Variants in PIP5K1B observed in about 807,000 individuals in gnomAD.
The protein encoded by PIP5K1B is phosphatidylinositol 4-phosphate 5-kinase type-1 beta.
In PIP5K1B, 42 loss-of-function variants were observed where a neutral mutation model predicts 67.0. The observed-to-expected ratio is 0.63, with a 90% CI of 0.49 to 0.81. The LOEUF is 0.81. PIP5K1B is among the 30% of genes least tolerant of loss of function. The pLI is 0.00. For missense variants in PIP5K1B, 459 were observed against 646.3 expected (o/e 0.71, Z 3.14); for synonymous variants, 214 against 231.4 (o/e 0.92, Z 0.68).
chr9:68,956,532 G>A (rs1828402716), intron 14 of PIP5K1B, among the ~76,000 whole-genome samples: 1 of 152,182 alleles, frequency 6.6e-6, no homozygotes, highest in South Asian at 2.1e-4. Context: ...AGTTAATCAG[G>A]AAGTGGCCCC....
chr9:68,774,947 C>A (rs1459251670), intron 2 of PIP5K1B, among the ~76,000 whole-genome samples: 1 of 152,178 alleles, frequency 6.6e-6, no homozygotes, highest in Non-Finnish European at 1.5e-5. Context: ...AGAAATGTGG[C>A]AGCAGCTTCT....
In PIP5K1B at chr9:68,889,127, T is replaced by C. The variant is rs572181535; in HGVS notation, c.465T>C (p.Tyr155=). ...AEFLQKLLPG[Y]YMNLNQNPRT... Reference sequence around the variant, plus strand: ...TTCTTCAGAAGCTACTGCCAGGCTATTACATGGTAAGGAACTGCACATCAT... The same window carrying C: ...TTCTTCAGAAGCTACTGCCAGGCTACTACATGGTAAGGAACTGCACATCAT... Residue 155 remains tyrosine, a synonymous_variant, in exon 7 of 16, where the codon TAT becomes TAC. Coordinates refer to ENST00000265382, the MANE Select transcript of PIP5K1B (RefSeq NM_003558.4). 3 of 1,612,686 alleles carry C rather than the reference T, an allele frequency of 1.9e-6. No individual in the cohort carries two copies. The highest frequency in any genetic ancestry group is 2.2e-5 in the South Asian group (2 of 91,018).
chr9:68,788,805 A>T, intron 2 of PIP5K1B: 1 of 253,420 alleles, frequency 3.9e-6, no homozygotes, highest in South Asian at 5.1e-5. Context: ...AAAGCATACA[A>T]GTGAACTACT....
At chr9:68,909,403 C>CT (rs1015508755) in intron 8 of PIP5K1B, among the ~76,000 whole-genome samples, 13 of 145,224 alleles carry the variant, frequency 9.0e-5, no homozygotes, top group African/African-American at 1.8e-4. Flanking sequence ...GCTAAGGACT[C>CT]TTTAAAAAAA....
At chr9:68,731,616 G>A (rs1038533261) in intron 1 of PIP5K1B, among the ~76,000 whole-genome samples, 3 of 152,176 alleles carry the variant, frequency 2.0e-5, no homozygotes, top group African/African-American at 7.2e-5. Flanking sequence ...GCAACAGGTT[G>A]GAGGAGCCAG....
At chr9:68,712,158 A>G (rs764518369) in intron 1 of PIP5K1B, among the ~76,000 whole-genome samples, 3 of 152,158 alleles carry the variant, frequency 2.0e-5, no homozygotes, top group African/African-American at 7.2e-5. Flanking sequence ...CTCTTGCTCT[A>G]TGAGTTTACA....
At chr9:68,800,241 C>T (rs1450494539) in intron 2 of PIP5K1B, among the ~76,000 whole-genome samples, 1 of 152,152 alleles carries the variant, frequency 6.6e-6, no homozygotes, top group Non-Finnish European at 1.5e-5. Flanking sequence ...TCACACACAG[C>T]ATGTGGTATG....
At chr9:68,758,369 A>G (rs534017000) in intron 2 of PIP5K1B, among the ~76,000 whole-genome samples, 2 of 152,320 alleles carry the variant, frequency 1.3e-5, no homozygotes, top group East Asian at 1.9e-4. Flanking sequence ...AGTAAAAACA[A>G]TCACTTCTGA....
chr9:68,988,658 C>T (rs1486018050), intron 14 of PIP5K1B, among the ~76,000 whole-genome samples: 3 of 151,978 alleles, frequency 2.0e-5, no homozygotes, highest in Non-Finnish European at 4.4e-5. Context: ...ACCATATTGG[C>T]CAGGCTGCTG....
intron 4 of PIP5K1B, among the ~76,000 whole-genome samples, chr9:68,845,964 A>G (rs1030203464): frequency 6.6e-6 from 1 of 152,206 alleles, no homozygotes; most frequent in African/African-American, 2.4e-5. Context: ...TTTGTAAAAC[A>G]TGATCTAGGA....
rs1020647673 is a variant in PIP5K1B at position 68,705,468 on chromosome 9, C to T, written c.-537C>T. The T allele has an allele frequency of 6.6e-5, 10 of 151,730 alleles. No individual in the cohort carries two copies. Among genetic ancestry groups the T allele is most frequent in the East Asian group, 3.9e-4 (2 of 5,152 alleles). The allele number at this position is 151,730 out of a possible 1,614,324, so 9.4% of individuals were successfully genotyped here. A position where few individuals can be genotyped will look rare whatever the true frequency, so the allele number is the denominator to read the frequency against. ...GAAGGAAGGGGAAAGCGGGGACACA[C>T]ACACTCGCCGCGGCGCGCGCGCACT... On this transcript the variant is annotated 5_prime_UTR_variant, in exon 1 of 16. Transcript: ENST00000265382.
At chr9:68,926,795 C>T (rs542545650) in intron 12 of PIP5K1B, among the ~76,000 whole-genome samples, 6 of 152,208 alleles carry the variant, frequency 3.9e-5, no homozygotes, top group Admixed American at 3.3e-4. Flanking sequence ...TGGTCTTGAA[C>T]TGCTGACCTC....
chr9:68,787,755 C>T (rs1831711307), intron 2 of PIP5K1B, among the ~76,000 whole-genome samples: 1 of 152,132 alleles, frequency 6.6e-6, no homozygotes, highest in South Asian at 2.1e-4. Flanking sequence ...GCTTCAGCCT[C>T]CTGAGTAGTA....
At chr9:68,972,192 G>A (rs1410379849) in intron 14 of PIP5K1B, among the ~76,000 whole-genome samples, 1 of 152,148 alleles carries the variant, frequency 6.6e-6, no homozygotes, top group Non-Finnish European at 1.5e-5. Flanking sequence ...TCCAGTTTCA[G>A]TTTTCTGCAT....
intron 12 of PIP5K1B, among the ~76,000 whole-genome samples, chr9:68,930,602 T>A (rs10869543): frequency 0.66 from 99,126 of 150,584 alleles, 35,579 homozygotes; most frequent in Non-Finnish European, 0.79. Context: ...TATTATTATT[T>A]TTTTTTTTGC....
At chr9:68,992,330 G>A (rs1235848218) in intron 15 of PIP5K1B, among the ~76,000 whole-genome samples, 1 of 152,062 alleles carries the variant, frequency 6.6e-6, no homozygotes. Context: ...TTTAAGTTTT[G>A]CTAAACCTGA....
At position 68,962,165 on chromosome 9, in the gene PIP5K1B, G is replaced by A. The variant is rs144227377; in HGVS notation, c.1502+21375G>A. Among the ~76,000 whole-genome samples, 435 of 152,124 alleles carry A rather than the reference G, an allele frequency of 2.9e-3. 1 individual carries two copies. Among genetic ancestry groups the A allele is most frequent in the Non-Finnish European group, 5.0e-3 (339 of 67,998 alleles). On this transcript the variant is annotated intron_variant, in intron 14 of 15. Coordinates refer to ENST00000265382, the MANE Select transcript of PIP5K1B (RefSeq NM_003558.4). ...CAATTATTCAAGGTCATTACAGTAT[G>A]AACTATCAAGATCATTTTTTTAATT...
intron 2 of PIP5K1B, among the ~76,000 whole-genome samples, chr9:68,772,708 T>C (rs905733476): frequency 6.6e-6 from 1 of 152,222 alleles, no homozygotes; most frequent in East Asian, 1.9e-4. Flanking sequence ...TTCCAATTCA[T>C]AGTTTTTAGA....
At chr9:68,951,426 A>T (rs932416884) in intron 14 of PIP5K1B, among the ~76,000 whole-genome samples, 1 of 152,184 alleles carries the variant, frequency 6.6e-6, no homozygotes, top group Non-Finnish European at 1.5e-5. Context: ...TCTTTTATTT[A>T]TGTATGAGTG....
Sources: gnomAD v4.1 joint callset for allele counts (sites outside exome capture counted in the v4.1 genomes callset) on GRCh38, gnomAD v4.1.1 for gene constraint, MANE v1.5 for transcripts, NCBI Gene and HGNC (gene_info 2026-07-23, HGNC 2026-07-21) for gene names.